Variants in ITFG1 observed in about 807,000 individuals in gnomAD.
The protein encoded by ITFG1 is integrin alpha FG-GAP repeat containing 1.
A neutral mutation model predicts 81.8 loss-of-function variants in ITFG1; 34 were observed. That is an observed-to-expected ratio of 0.42 (90% CI 0.32 to 0.55). The LOEUF is 0.55. Among genes scored for constraint, ITFG1 ranks in the 20% least tolerant of loss-of-function variants. The pLI, the probability that ITFG1 is intolerant of heterozygous loss-of-function variation, is 0.17. For missense variants in ITFG1, 672 were observed against 755.4 expected, an observed-to-expected ratio of 0.89 and a Z score of 1.29; for synonymous variants, 285 against 270.6, an observed-to-expected ratio of 1.05 and a Z score of -0.52.
At chr16:47,401,438 T>C (rs1167188252) in intron 6 of ITFG1, among the ~76,000 whole-genome samples, 1 of 152,062 alleles carries the variant, frequency 6.6e-6, no homozygotes, top group Non-Finnish European at 1.5e-5. Flanking sequence ...GAGAGTGTAT[T>C]ACATAAAAAA....
At chr16:47,208,395 C>G (rs186314360) in intron 14 of ITFG1, among the ~76,000 whole-genome samples, 2 of 152,202 alleles carry the variant, frequency 1.3e-5, no homozygotes, top group African/African-American at 2.4e-5. Context: ...TAAAAGTACT[C>G]ATTAAGTGTA....
At chr16:47,244,538 T>G (rs1198971871) in intron 12 of ITFG1, among the ~76,000 whole-genome samples, 2 of 151,494 alleles carry the variant, frequency 1.3e-5, no homozygotes, top group African/African-American at 4.9e-5. Flanking sequence ...CGAAACAAAG[T>G]TTGGTTTTGT....
intron 8 of ITFG1, among the ~76,000 whole-genome samples, chr16:47,331,884 T>C (rs1967641957): frequency 6.6e-6 from 1 of 152,198 alleles, no homozygotes; most frequent in East Asian, 1.9e-4. Context: ...CCTTCAAAGC[T>C]GTAATTATAA....
chr16:47,433,538 C>T (rs1455485022), intron 5 of ITFG1, among the ~76,000 whole-genome samples: 2 of 151,992 alleles, frequency 1.3e-5, no homozygotes, highest in African/African-American at 2.4e-5. Flanking sequence ...TGCAATCTTG[C>T]CATTTTGAAC....
chr16:47,431,267 C>T (rs995039816), intron 5 of ITFG1, among the ~76,000 whole-genome samples: 8 of 152,204 alleles, frequency 5.3e-5, no homozygotes, highest in African/African-American at 1.9e-4. Context: ...CTGGGCCACA[C>T]AGCAGGAGGT....
intron 5 of ITFG1, among the ~76,000 whole-genome samples, chr16:47,439,289 G>A (rs999255014): frequency 5.9e-5 from 9 of 152,210 alleles, no homozygotes; most frequent in African/African-American, 9.6e-5. Flanking sequence ...GAACTTCCCC[G>A]ATCTAGCAAG....
At chr16:47,156,460 A>T (rs752853145) in intron 17 of ITFG1, among the ~76,000 whole-genome samples, 26 of 152,190 alleles carry the variant, frequency 1.7e-4, no homozygotes, top group Non-Finnish European at 3.4e-4. Context: ...TAACTTGTCA[A>T]TTTAGCAGAT....
intron 14 of ITFG1, among the ~76,000 whole-genome samples, chr16:47,173,997 G>A (rs1403651358): frequency 6.6e-6 from 1 of 152,144 alleles, no homozygotes; most frequent in Non-Finnish European, 1.5e-5. Context: ...CTGAGATTGT[G>A]CCACTGCATT....
intron 5 of ITFG1, among the ~76,000 whole-genome samples, chr16:47,444,274 C>CTATTTCT (rs1467567039): frequency 5.3e-5 from 8 of 152,238 alleles, no homozygotes; most frequent in African/African-American, 1.9e-4. Context: ...AAGCAACATG[C>CTATTTCT]TATTTCTCAT....
At chr16:47,190,629 G>A in intron 14 of ITFG1, among the ~76,000 whole-genome samples, 1 of 152,114 alleles carries the variant, frequency 6.6e-6, no homozygotes, top group East Asian at 1.9e-4. Context: ...TCATGCCTGA[G>A]CTTCCCGAAC....
At chr16:47,404,272 T>C (rs950383158) in intron 6 of ITFG1, among the ~76,000 whole-genome samples, 1 of 152,138 alleles carries the variant, frequency 6.6e-6, no homozygotes, top group African/African-American at 2.4e-5. Context: ...CAAGACTTGA[T>C]AAGTTAAAAG....
At chr16:47,335,490 G>T (rs1967693124) in intron 8 of ITFG1, among the ~76,000 whole-genome samples, 1 of 152,172 alleles carries the variant, frequency 6.6e-6, no homozygotes, top group Non-Finnish European at 1.5e-5. Context: ...TCTTATAAAG[G>T]ATTTGTTTGA....
At chr16:47,331,874 C>T (rs1967641846) in intron 8 of ITFG1, among the ~76,000 whole-genome samples, 2 of 152,040 alleles carry the variant, frequency 1.3e-5, no homozygotes, top group Admixed American at 1.3e-4. Flanking sequence ...TCTTTAATTC[C>T]CTTCAAAGCT....
intron 14 of ITFG1, among the ~76,000 whole-genome samples, chr16:47,163,756 TC>T (rs1964845376): frequency 6.6e-6 from 1 of 152,212 alleles, no homozygotes; most frequent in Non-Finnish European, 1.5e-5. Flanking sequence ...TTCAAATTTT[TC>T]CACATCCTCA....
At chr16:47,195,807 G>T (rs1478527843) in intron 14 of ITFG1, among the ~76,000 whole-genome samples, 1 of 152,030 alleles carries the variant, frequency 6.6e-6, no homozygotes, top group Admixed American at 6.6e-5. Flanking sequence ...TGTTACATAG[G>T]TATACGTGTG....
intron 10 of ITFG1, among the ~76,000 whole-genome samples, chr16:47,309,214 G>A (rs576685435): frequency 1.3e-4 from 20 of 151,790 alleles, no homozygotes; most frequent in Non-Finnish European, 2.2e-4. Context: ...GACTACAGGC[G>A]CCCACCACCA....
chr16:47,214,246 C>T (rs972591812), intron 14 of ITFG1, among the ~76,000 whole-genome samples: 13 of 152,194 alleles, frequency 8.5e-5, no homozygotes, highest in African/African-American at 1.9e-4. Flanking sequence ...CTTAACATCA[C>T]TTCTTGCATA....
chr16:47,342,431 C>A (rs1387186504), intron 8 of ITFG1, among the ~76,000 whole-genome samples: 1 of 152,046 alleles, frequency 6.6e-6, no homozygotes, highest in African/African-American at 2.4e-5. Flanking sequence ...AAACATTCCC[C>A]CTAAGTTCAG....
chr16:47,408,084 T>C (rs944660256), intron 6 of ITFG1, among the ~76,000 whole-genome samples: 2 of 152,180 alleles, frequency 1.3e-5, no homozygotes, highest in Admixed American at 1.3e-4. Flanking sequence ...AGTTTAAAAT[T>C]TTCAATACAG....
Sources: gnomAD v4.1 joint callset for allele counts (sites outside exome capture counted in the v4.1 genomes callset) on GRCh38, gnomAD v4.1.1 for gene constraint, MANE v1.5 for transcripts, NCBI Gene and HGNC (gene_info 2026-07-23, HGNC 2026-07-21) for gene names.